The following GAS7 variants were observed in gnomAD, a reference collection of about 807,000 sequenced individuals.
GAS7 encodes the protein growth arrest-specific protein 7.
Under a neutral mutation model 71.1 loss-of-function variants are expected in GAS7, and 28 were observed. The observed-to-expected ratio is 0.39, with a 90% CI of 0.29 to 0.54. The LOEUF (loss-of-function observed/expected upper bound fraction) is 0.54, where lower values mean the gene tolerates loss of function less well. Ranked by LOEUF, GAS7 falls within the 20% of genes least tolerant of loss-of-function variation. The probability of loss-of-function intolerance (pLI) is 0.62; values close to 1 mark genes in which losing one functional copy is unlikely to be tolerated. For synonymous variants in GAS7, 258 were observed against 245.8 expected (o/e 1.05, Z -0.46); for missense variants, 436 against 627.8 (o/e 0.69, Z 3.27).
chr17:10,099,976 A>C (rs532840133), intron 1 of GAS7, among the ~76,000 whole-genome samples: 1 of 152,196 alleles, frequency 6.6e-6, no homozygotes, highest in Non-Finnish European at 1.5e-5. Flanking sequence ...AGCTTCTTAG[A>C]CCAGTTCCCT....
chr17:10,127,989 C>T (rs939703029), intron 1 of GAS7, among the ~76,000 whole-genome samples: 1 of 152,166 alleles, frequency 6.6e-6, no homozygotes, highest in Non-Finnish European at 1.5e-5. Flanking sequence ...TGCTCTCAGG[C>T]GTTCAGCTTG....
intron 4 of GAS7, among the ~76,000 whole-genome samples, chr17:9,960,758 T>C (rs750671656): frequency 3.9e-5 from 6 of 152,236 alleles, no homozygotes; most frequent in African/African-American, 1.2e-4. Flanking sequence ...CTTACTCCCA[T>C]ACAGTCTTAC....
chr17:10,021,308 CAG>C (rs1305640699), intron 1 of GAS7, among the ~76,000 whole-genome samples: 1 of 152,148 alleles, frequency 6.6e-6, no homozygotes, highest in African/African-American at 2.4e-5. Flanking sequence ...AACAAGATAA[CAG>C]AATGAAAGAG....
At chr17:10,068,071 C>T (rs1359674435) in intron 1 of GAS7, among the ~76,000 whole-genome samples, 1 of 152,186 alleles carries the variant, frequency 6.6e-6, no homozygotes, top group Admixed American at 6.5e-5. Context: ...TAACACAAAC[C>T]ATACCTGAGA....
In GAS7 at chr17:9,975,531, AC is replaced by A. The variant is rs5819256; in HGVS notation, c.386-5770del. 3.1e-3 allele frequency among the ~76,000 whole-genome samples: 284 copies of A among 90,818 alleles called. 1 individual carries two copies. The highest frequency in any genetic ancestry group is 0.01 in the African/African-American group (257 of 24,544). The allele number at this position is 90,818 out of a possible 152,430, so 59.6% of individuals were successfully genotyped here. ...CATCCTCCTTCCCTCCTTCTTTCTC[AC>A]CCCCCCCTTTTTCCTTCCTTCCACC... On this transcript the variant is annotated intron_variant, in intron 3 of 13. Transcript: ENST00000432992.
chr17:10,141,175 C>T (rs931042852), intron 1 of GAS7, among the ~76,000 whole-genome samples: 1 of 152,310 alleles, frequency 6.6e-6, no homozygotes. Flanking sequence ...AGGGGCCGGG[C>T]GCGGTGGCTC....
chr17:10,141,425 G>A (rs1238510717), intron 1 of GAS7, among the ~76,000 whole-genome samples: 1 of 151,930 alleles, frequency 6.6e-6, no homozygotes, highest in African/African-American at 2.4e-5. Context: ...TCCAGCCTGG[G>A]CAACAGCAAG....
chr17:10,101,342 G>C, intron 1 of GAS7, among the ~76,000 whole-genome samples: 1 of 152,174 alleles, frequency 6.6e-6, no homozygotes, highest in Non-Finnish European at 1.5e-5. Context: ...TCTCTCCCTA[G>C]GACAGCCAAC....
At chr17:10,164,284 A>G (rs1375733565) in intron 1 of GAS7, among the ~76,000 whole-genome samples, 1 of 151,976 alleles carries the variant, frequency 6.6e-6, no homozygotes, top group Non-Finnish European at 1.5e-5. Context: ...TCTACTAAAA[A>G]TACAAAAATT....
At chr17:9,958,459 C>T (rs2069337269) in intron 5 of GAS7, among the ~76,000 whole-genome samples, 1 of 152,242 alleles carries the variant, frequency 6.6e-6, no homozygotes, top group African/African-American at 2.4e-5. Context: ...TGGCTCAGAG[C>T]TGTGTGAGTT....
chr17:9,948,700 T>G, intron 5 of GAS7, among the ~76,000 whole-genome samples: 1 of 150,604 alleles, frequency 6.6e-6, no homozygotes. Flanking sequence ...AAAAAAAATC[T>G]GGGTTGCACG....
intron 2 of GAS7, among the ~76,000 whole-genome samples, chr17:9,996,633 A>C (rs539220197): frequency 6.7e-6 from 1 of 149,630 alleles, no homozygotes; most frequent in African/African-American, 2.5e-5. Context: ...ATATATATAT[A>C]TTTTTTATTA....
At chr17:10,165,970 G>C (rs1368468465) in intron 1 of GAS7, among the ~76,000 whole-genome samples, 1 of 151,860 alleles carries the variant, frequency 6.6e-6, no homozygotes, top group Non-Finnish European at 1.5e-5. Context: ...CAGAGCAAAA[G>C]GCACCAGGAA....
intron 1 of GAS7, among the ~76,000 whole-genome samples, chr17:10,105,352 C>T (rs1227821764): frequency 6.6e-6 from 1 of 152,122 alleles, no homozygotes; most frequent in Non-Finnish European, 1.5e-5. Flanking sequence ...TGCAGCCCAG[C>T]TTTGACTCTT....
chr17:9,946,945 C>T lies in GAS7; in HGVS notation c.564G>A (p.Pro188=), dbSNP rs777192634. The part of the protein sequence containing the change: ...CVTFPHPDTM[P]EQQLLKPTEW... ...CGGTTGGTTTCAGCAGCTGCTGTTC[C>T]GGCATCGTGTCTGGGTGAGGGAACG... The change falls in exon 6 of 14, where the codon CCG becomes CCA. Residue 188 remains proline, a synonymous_variant. Coordinates refer to ENST00000432992, the MANE Select transcript of GAS7 (RefSeq NM_201433.2). 108 of 1,613,204 alleles carry T rather than the reference C, an allele frequency of 6.7e-5. 1 individual carries two copies. The highest frequency in any genetic ancestry group is 2.7e-5 in the African/African-American group (2 of 74,896).
chr17:10,195,178 G>C (rs748790742), intron 1 of GAS7, among the ~76,000 whole-genome samples: 1 of 152,184 alleles, frequency 6.6e-6, no homozygotes, highest in Non-Finnish European at 1.5e-5. Context: ...TTTCCTTGGA[G>C]TCTTGACCAA....
At chr17:10,006,529 C>T (rs1446564498) in intron 2 of GAS7, among the ~76,000 whole-genome samples, 3 of 151,648 alleles carry the variant, frequency 2.0e-5, no homozygotes, top group Non-Finnish European at 4.4e-5. Context: ...TGGGGTTTCA[C>T]CATGTTAGCC....
intron 1 of GAS7, among the ~76,000 whole-genome samples, chr17:10,159,751 T>C (rs1597826912): frequency 1.3e-5 from 2 of 150,900 alleles, no homozygotes; most frequent in East Asian, 3.9e-4. Flanking sequence ...TCCCAGTTTA[T>C]GAAAACGCAT....
rs537614029 is a variant in GAS7, at chr17:10,005,199, ATG to A, written c.304+14576_304+14577del. ...CATGTATGTGTATGTGCACGCATGC[ATG>A]TGTGTGCATGTGCGCGTGTGCATGT... is the stretch of plus-strand genomic sequence containing the variant. On this transcript the variant is annotated intron_variant, in intron 2 of 13. Coordinates refer to ENST00000432992, the MANE Select transcript of GAS7 (RefSeq NM_201433.2). Among the ~76,000 whole-genome samples, 963 of 116,732 alleles carry A rather than the reference ATG, an allele frequency of 8.2e-3. 6 individuals carry two copies. The highest frequency in any genetic ancestry group is 9.6e-3 in the Non-Finnish European group (575 of 59,786). 76.6% of individuals were successfully genotyped at this position (116,732 alleles called of 152,430 possible).
Sources: gnomAD v4.1 joint callset for allele counts (sites outside exome capture counted in the v4.1 genomes callset) on GRCh38, gnomAD v4.1.1 for gene constraint, MANE v1.5 for transcripts, NCBI Gene and HGNC (gene_info 2026-07-23, HGNC 2026-07-21) for gene names.